Variants in NFYC observed in about 807,000 individuals in gnomAD.
The protein encoded by NFYC is CAAT box DNA-binding protein subunit C.
Under a neutral mutation model 53.1 loss-of-function variants are expected in NFYC, and 25 were observed. That is an observed-to-expected ratio of 0.47 (90% CI 0.34 to 0.66). The LOEUF (loss-of-function observed/expected upper bound fraction) is 0.66, where lower values mean the gene tolerates loss of function less well. Among genes scored for constraint, NFYC ranks in the 30% least tolerant of loss-of-function variants. The pLI, the probability that NFYC is intolerant of heterozygous loss-of-function variation, is 0.01. For synonymous variants in NFYC, 145 were observed against 152.6 expected, an observed-to-expected ratio of 0.95 and a Z score of 0.37; for missense variants, 260 against 422.7, an observed-to-expected ratio of 0.62 and a Z score of 3.38.
intron 1 of NFYC, among the ~76,000 whole-genome samples, chr1:40,732,897 C>G (rs553324030): frequency 6.6e-6 from 1 of 151,612 alleles, no homozygotes; most frequent in Admixed American, 6.6e-5. Flanking sequence ...TGCAGTCTTG[C>G]TTTAAAGTCC....
intron 1 of NFYC, among the ~76,000 whole-genome samples, chr1:40,702,023 C>G (rs78218735): frequency 6.6e-6 from 1 of 152,212 alleles, no homozygotes; most frequent in Non-Finnish European, 1.5e-5. Flanking sequence ...AGTGTTCAAA[C>G]AGCCCGTGCC....
At chr1:40,738,664 G>A (rs1280351487) in intron 1 of NFYC, among the ~76,000 whole-genome samples, 172 bp from the exon 2 acceptor site, 1 of 152,160 alleles carries the variant, frequency 6.6e-6, no homozygotes, top group East Asian at 1.9e-4. Context: ...TCCTACCAAT[G>A]TTTTTAAGAT....
At chr1:40,703,574 T>C (rs778215562) in intron 1 of NFYC, among the ~76,000 whole-genome samples, 1 of 152,012 alleles carries the variant, frequency 6.6e-6, no homozygotes, top group African/African-American at 2.4e-5. Context: ...GTCACTCCTT[T>C]AGATGAGTCA....
intron 7 of NFYC, 47 bp from the exon 8 acceptor site, chr1:40,766,549 A>G (rs779074656): frequency 1.4e-6 from 2 of 1,426,834 alleles, no homozygotes; most frequent in South Asian, 2.5e-5. Flanking sequence ...CCTGTTTGAG[A>G]TTATACTCAA....
chr1:40,729,164 G>A (rs926682300), intron 1 of NFYC, among the ~76,000 whole-genome samples: 3 of 152,134 alleles, frequency 2.0e-5, no homozygotes, highest in African/African-American at 7.2e-5. Context: ...ATGAGCATCG[G>A]CTTCCACAGG....
At chr1:40,752,105 C>T (rs1463437510) in intron 4 of NFYC, among the ~76,000 whole-genome samples, 2 of 152,056 alleles carry the variant, frequency 1.3e-5, no homozygotes, top group African/African-American at 4.8e-5. Context: ...TAACATTTTC[C>T]CCAGCATTTT....
At chr1:40,721,179 A>G (rs1644313743) in intron 1 of NFYC, among the ~76,000 whole-genome samples, 1 of 152,228 alleles carries the variant, frequency 6.6e-6, no homozygotes, top group Non-Finnish European at 1.5e-5. Context: ...ATCATCACTG[A>G]TTAGTGAATG....
chr1:40,744,328 C>T (rs1393880093), intron 2 of NFYC, among the ~76,000 whole-genome samples: 1 of 152,216 alleles, frequency 6.6e-6, no homozygotes, highest in African/African-American at 2.4e-5. Context: ...TTCAGTTGGT[C>T]TCCAGGAGAG....
chr1:40,714,047 C>T (rs974354806), intron 1 of NFYC, among the ~76,000 whole-genome samples: 2 of 152,174 alleles, frequency 1.3e-5, no homozygotes, highest in Admixed American at 6.5e-5. Context: ...TGAGGTATTC[C>T]AGAAAGCCAG....
chr1:40,696,275 G>T (rs144525814), intron 1 of NFYC, among the ~76,000 whole-genome samples: 9 of 152,016 alleles, frequency 5.9e-5, no homozygotes. Flanking sequence ...CGCCCTCTTC[G>T]GCCTCCTGAA....
At chr1:40,742,418 C>G (rs1328636382) in intron 2 of NFYC, among the ~76,000 whole-genome samples, 1 of 152,102 alleles carries the variant, frequency 6.6e-6, no homozygotes, top group Non-Finnish European at 1.5e-5. Context: ...AGTTTGATTG[C>G]CAACAAAGCT....
At chr1:40,754,676 A>T (rs1646111938) in intron 5 of NFYC, among the ~76,000 whole-genome samples, 1 of 152,216 alleles carries the variant, frequency 6.6e-6, no homozygotes, top group Non-Finnish European at 1.5e-5. Context: ...GAGCTCTGTG[A>T]TGAAATCAGG....
intron 1 of NFYC, among the ~76,000 whole-genome samples, chr1:40,696,283 G>A (rs188408699): frequency 1.8e-4 from 28 of 152,244 alleles, no homozygotes; most frequent in Admixed American, 1.8e-3. Flanking sequence ...TCGGCCTCCT[G>A]AAGTGGTGGG....
chr1:40,723,489 A>G (rs961292904), intron 1 of NFYC, among the ~76,000 whole-genome samples: 7 of 152,094 alleles, frequency 4.6e-5, no homozygotes, highest in African/African-American at 1.4e-4. Flanking sequence ...GGCCCAGCTT[A>G]CTTCTAATTG....
chr1:40,730,419 T>G (rs1446879383), intron 1 of NFYC: 1 of 202,194 alleles, frequency 4.9e-6, no homozygotes, highest in Non-Finnish European at 8.8e-6. Context: ...TTAAGTGGCG[T>G]AATTTCAGTA....
At chr1:40,708,334 A>T (rs1216681738) in intron 1 of NFYC, among the ~76,000 whole-genome samples, 1 of 152,162 alleles carries the variant, frequency 6.6e-6, no homozygotes, top group Non-Finnish European at 1.5e-5. Context: ...AAACAAGTAT[A>T]CATGGGAATG....
chr1:40,733,206 A>G (rs1257154785), intron 1 of NFYC, among the ~76,000 whole-genome samples: 1 of 152,062 alleles, frequency 6.6e-6, no homozygotes, highest in Non-Finnish European at 1.5e-5. Context: ...TGTGTATGTC[A>G]TACAAGGTAT....
rs1157972569 is a variant in NFYC at position 40,771,384 on chromosome 1, G to A, written c.*556G>A. On this transcript the variant is annotated 3_prime_UTR_variant, in exon 10 of 10. Coordinates refer to ENST00000447388, the MANE Select transcript of NFYC (RefSeq NM_014223.5). ...GAGCTCTGTGTATTTGCATCCAGAG[G>A]CCATGGAAACATTCTTTGCATTTAA... is the stretch of plus-strand genomic sequence containing the variant. 2.1e-6 allele frequency: 1 copy of A among 469,120 alleles called. No homozygotes were observed. The highest frequency in any genetic ancestry group is 4.4e-6 in the Non-Finnish European group (1 of 225,982). 29.1% of individuals were successfully genotyped at this position (469,120 alleles called of 1,614,324 possible).
At chr1:40,717,869 A>G (rs1159769283) in intron 1 of NFYC, among the ~76,000 whole-genome samples, 1 of 152,230 alleles carries the variant, frequency 6.6e-6, no homozygotes, top group Non-Finnish European at 1.5e-5. Flanking sequence ...TATAGCCCAC[A>G]TGATCATTGT....
Sources: gnomAD v4.1 joint callset for allele counts (sites outside exome capture counted in the v4.1 genomes callset) on GRCh38, gnomAD v4.1.1 for gene constraint, MANE v1.5 for transcripts, NCBI Gene and HGNC (gene_info 2026-07-23, HGNC 2026-07-21) for gene names.